Variants in VTI1A observed in about 807,000 individuals in gnomAD.
VTI1A encodes vesicle transport through interaction with t-SNAREs homolog 1A.
Under a neutral mutation model 34.9 loss-of-function variants are expected in VTI1A, and 22 were observed. The observed-to-expected ratio is 0.63, with a 90% CI of 0.45 to 0.90. The LOEUF is 0.90. Ranked by LOEUF, VTI1A falls within the 40% of genes least tolerant of loss-of-function variation. The pLI is 0.00. For synonymous variants in VTI1A, 87 were observed against 97.3 expected, an observed-to-expected ratio of 0.89 and a Z score of 0.62; for missense variants, 268 against 275.6, an observed-to-expected ratio of 0.97 and a Z score of 0.20.
At chr10:112,476,032 T>C (rs1167949298) in intron 3 of VTI1A, among the ~76,000 whole-genome samples, 1 of 152,212 alleles carries the variant, frequency 6.6e-6, no homozygotes, top group Non-Finnish European at 1.5e-5. Flanking sequence ...ATTCGTCAAA[T>C]TGTATTTCTG....
chr10:112,796,772 A>G (rs769613915), intron 7 of VTI1A, among the ~76,000 whole-genome samples: 2 of 152,202 alleles, frequency 1.3e-5, no homozygotes, highest in Non-Finnish European at 2.9e-5. Context: ...CCTGTCAGCT[A>G]ATTTGATAGT....
intron 5 of VTI1A, among the ~76,000 whole-genome samples, chr10:112,657,353 T>C (rs994661058): frequency 2.6e-5 from 4 of 152,232 alleles, no homozygotes; most frequent in African/African-American, 9.6e-5. Flanking sequence ...TTAACCCAGG[T>C]ATCTTCTTTC....
At chr10:112,537,254 TAC>T (rs991749347) in intron 4 of VTI1A, among the ~76,000 whole-genome samples, 1 of 140,996 alleles carries the variant, frequency 7.1e-6, no homozygotes, top group Non-Finnish European at 1.6e-5. Flanking sequence ...TGTATGCATG[TAC>T]ACACACACGC....
chr10:112,579,122 C>G (rs776651005), intron 5 of VTI1A, among the ~76,000 whole-genome samples: 1 of 152,142 alleles, frequency 6.6e-6, no homozygotes, highest in Non-Finnish European at 1.5e-5. Context: ...TAAGAGATGC[C>G]GTATCCCAGT....
intron 5 of VTI1A, among the ~76,000 whole-genome samples, chr10:112,571,757 T>C (rs571837390): frequency 6.6e-6 from 1 of 152,146 alleles, no homozygotes; most frequent in South Asian, 2.1e-4. Flanking sequence ...CAACAATAAA[T>C]TGGATAAAGA....
Position 112,813,974 on chromosome 10 carries a change from C to A in VTI1A, c.561-1316C>A, listed in dbSNP as rs145058598. 2.6e-3 allele frequency among the ~76,000 whole-genome samples: 399 copies of A among 152,182 alleles called. 6 individuals carry two copies. The highest frequency in any genetic ancestry group is 0.025 in the Admixed American group (377 of 15,288). On this transcript the variant is annotated intron_variant, in intron 7 of 7. Coordinates refer to ENST00000393077, the MANE Select transcript of VTI1A (RefSeq NM_145206.4). ...AGAGAGAGCTCGTCCTTTTAGGGGG[C>A]CACGAGGGAGTGGGTTGGTCTGATA...
chr10:112,839,848 G>A, the VTI1A span, among the ~76,000 whole-genome samples: 1 of 152,212 alleles, frequency 6.6e-6, no homozygotes, highest in Non-Finnish European at 1.5e-5. Flanking sequence ...TGGGGCAGGG[G>A]TGGCAGGGGA....
intron 3 of VTI1A, among the ~76,000 whole-genome samples, chr10:112,484,468 C>T (rs1379454215): frequency 2.0e-5 from 3 of 152,164 alleles, no homozygotes; most frequent in Admixed American, 6.5e-5. Flanking sequence ...CCATTATTCA[C>T]CTCCTTTGTG....
At chr10:112,533,712 T>A (rs1029393474) in intron 4 of VTI1A, among the ~76,000 whole-genome samples, 9 of 152,058 alleles carry the variant, frequency 5.9e-5, no homozygotes, top group Admixed American at 6.6e-5. Context: ...GCTCACCATC[T>A]TTTAAAACAC....
intron 5 of VTI1A, among the ~76,000 whole-genome samples, chr10:112,648,292 A>C (rs1028836964): frequency 2.6e-5 from 4 of 152,194 alleles, no homozygotes; most frequent in African/African-American, 9.7e-5. Context: ...AAGGAAAGTT[A>C]ATGGTTTGTG....
chr10:112,546,226 C>CAT (rs779845222), intron 5 of VTI1A, among the ~76,000 whole-genome samples: 108 of 150,210 alleles, frequency 7.2e-4, no homozygotes, highest in Middle Eastern at 3.5e-3. Flanking sequence ...CACACACACA[C>CAT]ATATATATAT....
chr10:112,677,215 T>G (rs1439174208), intron 7 of VTI1A, among the ~76,000 whole-genome samples: 4 of 152,042 alleles, frequency 2.6e-5, no homozygotes, highest in Non-Finnish European at 5.9e-5. Context: ...GGATACTGGG[T>G]GGGCAAAAAC....
intron 7 of VTI1A, among the ~76,000 whole-genome samples, chr10:112,692,578 G>A (rs145692208): frequency 1.3e-5 from 2 of 152,252 alleles, no homozygotes; most frequent in South Asian, 2.1e-4. Flanking sequence ...ATTGTGGGGA[G>A]GTGGGGAGGG....
intron 7 of VTI1A, among the ~76,000 whole-genome samples, chr10:112,760,134 A>G (rs934391908): frequency 1.3e-5 from 2 of 152,192 alleles, no homozygotes; most frequent in Non-Finnish European, 2.9e-5. Context: ...ATGTTTGAAC[A>G]ATTTCAAACA....
At chr10:112,612,982 C>G (rs1223842584) in intron 5 of VTI1A, among the ~76,000 whole-genome samples, 1 of 151,908 alleles carries the variant, frequency 6.6e-6, no homozygotes, top group East Asian at 1.9e-4. Context: ...GGAAACAGAC[C>G]ATTTTCTTCT....
chr10:112,734,663 T>C (rs1041769664), intron 7 of VTI1A, among the ~76,000 whole-genome samples: 2 of 151,778 alleles, frequency 1.3e-5, no homozygotes, highest in African/African-American at 4.8e-5. Flanking sequence ...TCTTTTTTTT[T>C]TTTTTTTGAC....
chr10:112,522,271 T>G (rs1246754272), intron 3 of VTI1A, among the ~76,000 whole-genome samples: 1 of 152,050 alleles, frequency 6.6e-6, no homozygotes, highest in African/African-American at 2.4e-5. Flanking sequence ...CTGAAAGACA[T>G]GTAGAAGCAA....
chr10:112,630,740 A>G (rs1846098526), intron 5 of VTI1A, among the ~76,000 whole-genome samples: 1 of 152,180 alleles, frequency 6.6e-6, no homozygotes, highest in African/African-American at 2.4e-5. Flanking sequence ...TTCAGCCTGC[A>G]ATCAAGCCTC....
In VTI1A at chr10:112,817,332, C is replaced by T. The variant is rs1296220989; in HGVS notation, c.*1949C>T. On this transcript the variant is annotated 3_prime_UTR_variant, in exon 8 of 8. Coordinates refer to ENST00000393077, the MANE Select transcript of VTI1A (RefSeq NM_145206.4). ...AGGCCACCTAGCAAGCAAGGTTGAT[C>T]GGATCATCTAAACTGGCCGCCTCCT... 1 of 232,410 alleles carries T rather than the reference C, an allele frequency of 4.3e-6. No individual in the cohort carries two copies. 14.4% of individuals were successfully genotyped at this position (232,410 alleles called of 1,614,324 possible).
Sources: allele counts gnomAD v4.1 joint callset (sites outside exome capture counted in the v4.1 genomes callset), GRCh38; gene constraint gnomAD v4.1.1; transcripts MANE v1.5; gene names NCBI Gene and HGNC (gene_info 2026-07-23, HGNC 2026-07-21).